MUC7: variants seen among roughly 807,000 people sequenced by gnomAD.
The protein encoded by MUC7 is mucin 7, secreted.
In MUC7, 2 loss-of-function variants were observed where a neutral mutation model predicts 2.5. The ratio of observed to expected loss-of-function variants is 0.81; its 90% CI spans 0.33 to 2.55. The LOEUF (loss-of-function observed/expected upper bound fraction) is 2.55. Ranked by LOEUF, MUC7 falls within the 30% of genes most tolerant of loss-of-function variation. The probability of loss-of-function intolerance (pLI) is 0.11; values close to 1 mark genes in which losing one functional copy is unlikely to be tolerated. For synonymous variants in MUC7, 133 were observed against 173.4 expected (o/e 0.77, Z 1.83); for missense variants, 408 against 455.6 (o/e 0.90, Z 0.95).
chr4:70,443,945 T>C (rs1436400859), intron 1 of MUC7, among the ~76,000 whole-genome samples: 1 of 152,186 alleles, frequency 6.6e-6, no homozygotes, highest in African/African-American at 2.4e-5. Flanking sequence ...CACGACATAA[T>C]CCAGTTCTTT....
At position 70,481,806 on chromosome 4, in the gene MUC7, T is replaced by A; in HGVS notation, c.1062T>A (p.Asn354Lys). ...TKQPTSAPGQ[N>K]KISRFLLYMK... ...AACCAACTTCAGCTCCTGGCCAAAA[T>A]AAAATTTCTCGATTTCTTTTATATA... is the stretch of plus-strand genomic sequence containing the variant. The change falls in exon 3 of 3, where the codon AAT becomes AAA. Residue 354 changes from asparagine (N) to lysine (K), a missense_variant. Transcript: ENST00000304887. 1 of 1,614,134 alleles carries A rather than the reference T, an allele frequency of 6.2e-7. No individual in the cohort carries two copies. The highest frequency in any genetic ancestry group is 8.5e-7 in the Non-Finnish European group (1 of 1,180,000).
At chr4:70,436,714 A>G (rs1172235744) in intron 1 of MUC7, among the ~76,000 whole-genome samples, 2 of 152,096 alleles carry the variant, frequency 1.3e-5, no homozygotes, top group Non-Finnish European at 2.9e-5. Flanking sequence ...CGTCAAACTC[A>G]TTCTTTGTCC....
intron 1 of MUC7, among the ~76,000 whole-genome samples, chr4:70,467,059 C>T (rs1398220466): frequency 3.9e-5 from 6 of 152,208 alleles, no homozygotes; most frequent in African/African-American, 1.2e-4. Context: ...AACAAACAGT[C>T]TCTCAGACCA....
chr4:70,469,875 A>C (rs1734786220), upstream of MUC7, among the ~76,000 whole-genome samples: 1 of 152,200 alleles, frequency 6.6e-6, no homozygotes, highest in Non-Finnish European at 1.5e-5. Context: ...CTAGAACCAG[A>C]AATATCGTTT....
intron 1 of MUC7, among the ~76,000 whole-genome samples, chr4:70,473,395 G>A (rs1399475124): frequency 6.6e-6 from 1 of 151,832 alleles, no homozygotes; most frequent in Admixed American, 6.6e-5. Context: ...AGTGAGCCAT[G>A]CGTGTGCCAC....
chr4:70,445,506 A>C lies in MUC7; in HGVS notation c.-93+14819A>C, dbSNP rs183892969. 9.0e-4 allele frequency among the ~76,000 whole-genome samples: 137 copies of C among 152,312 alleles called. No homozygotes were observed. In the Middle Eastern group the frequency reaches 0.01, roughly 11 times the overall value. ...ATCCACCACTTATTCAATAGAAATC[A>C]TGTTTCAAAATCTCTCCCCTATTTA... On this transcript the variant is annotated intron_variant, in intron 1 of 3. Coordinates refer to the MUC7 transcript ENST00000413702.
chr4:70,452,398 T>A (rs891734760), intron 1 of MUC7, among the ~76,000 whole-genome samples: 5 of 152,208 alleles, frequency 3.3e-5, no homozygotes, highest in Non-Finnish European at 7.3e-5. Context: ...CATTTCTTGC[T>A]CCTTATTTTT....
At chr4:70,456,457 G>A (rs1485078597) in intron 1 of MUC7, among the ~76,000 whole-genome samples, 9 of 152,226 alleles carry the variant, frequency 5.9e-5, no homozygotes, top group Admixed American at 5.9e-4. Flanking sequence ...TTGACTCATG[G>A]TTCTGCATGA....
intron 1 of MUC7, among the ~76,000 whole-genome samples, chr4:70,432,644 T>C (rs1036636412): frequency 6.6e-6 from 1 of 151,684 alleles, no homozygotes; most frequent in Non-Finnish European, 1.5e-5. Flanking sequence ...ATATTAGCCC[T>C]TTAGTAGATT....
At chr4:70,468,246 G>A (rs748332119), upstream of MUC7, among the ~76,000 whole-genome samples, 1 of 152,080 alleles carries the variant, frequency 6.6e-6, no homozygotes, top group Non-Finnish European at 1.5e-5. Context: ...AGGTATTGAT[G>A]GAACGTACAT....
At chr4:70,471,282 G>A (rs28682429), upstream of MUC7, among the ~76,000 whole-genome samples, 18,677 of 151,982 alleles carry the variant, frequency 0.12, 1,443 homozygotes, top group Middle Eastern at 0.22. Context: ...TCACTACCAT[G>A]GGGGAAATGG....
chr4:70,460,715 C>T (rs182047793), intron 1 of MUC7, among the ~76,000 whole-genome samples: 48 of 152,198 alleles, frequency 3.2e-4, no homozygotes, highest in African/African-American at 1.1e-3. Flanking sequence ...CCCTGCAGTG[C>T]CTTTTGGTCC....
intron 1 of MUC7, among the ~76,000 whole-genome samples, chr4:70,433,815 G>A (rs910385479): frequency 6.6e-6 from 1 of 152,172 alleles, no homozygotes; most frequent in Non-Finnish European, 1.5e-5. Context: ...TTTTCAAAGG[G>A]AATGCTTCCA....
intron 1 of MUC7, among the ~76,000 whole-genome samples, chr4:70,437,663 G>A (rs923906460): frequency 1.3e-4 from 20 of 152,226 alleles, no homozygotes; most frequent in African/African-American, 4.1e-4. Flanking sequence ...GAAATTCCCC[G>A]ACTCCTTGCG....
At chr4:70,431,353 A>G (rs565927319) in intron 1 of MUC7, among the ~76,000 whole-genome samples, 4 of 152,270 alleles carry the variant, frequency 2.6e-5, no homozygotes, top group African/African-American at 9.6e-5. Context: ...ACACAAGACA[A>G]TGTGCTCTGT....
chr4:70,471,025 G>T (rs985758697), upstream of MUC7, among the ~76,000 whole-genome samples: 1 of 152,180 alleles, frequency 6.6e-6, no homozygotes, highest in African/African-American at 2.4e-5. Context: ...TGGCTACTAA[G>T]TGGAGAAGCA....
chr4:70,434,025 G>A (rs1198990940), intron 1 of MUC7, among the ~76,000 whole-genome samples: 3 of 151,838 alleles, frequency 2.0e-5, no homozygotes, highest in East Asian at 3.9e-4. Context: ...GATGGATTAC[G>A]TTTATTGATT....
chr4:70,451,625 T>C lies in MUC7; in HGVS notation c.-92-20590T>C, dbSNP rs147544242. Among the ~76,000 whole-genome samples the C allele has an allele frequency of 2.4e-3, 362 of 152,326 alleles. 4 individuals are homozygous for C. Among genetic ancestry groups the C allele is most frequent in the African/African-American group, 8.3e-3 (347 of 41,584 alleles). On this transcript the variant is annotated intron_variant, in intron 1 of 3. Coordinates refer to the MUC7 transcript ENST00000413702. Reference sequence around the variant, plus strand: ...TTCATTCTATTGTGGTCAGAGAAGATGTTTGATACTATTTCAATTTTTTTT... The same window carrying C: ...TTCATTCTATTGTGGTCAGAGAAGACGTTTGATACTATTTCAATTTTTTTT...
At chr4:70,480,426 T>C (rs1358314134) in intron 2 of MUC7, among the ~76,000 whole-genome samples, 1 of 152,182 alleles carries the variant, frequency 6.6e-6, no homozygotes, top group African/African-American at 2.4e-5. Flanking sequence ...TAAAGTTTTG[T>C]GAACAGGCTG....
Sources: allele counts gnomAD v4.1 joint callset (sites outside exome capture counted in the v4.1 genomes callset), GRCh38; gene constraint gnomAD v4.1.1; transcripts MANE v1.5; gene names NCBI Gene and HGNC (gene_info 2026-07-23, HGNC 2026-07-21).